Variants in ELAPOR1 observed in about 807,000 individuals in gnomAD.
The protein encoded by ELAPOR1 is endosome/lysosome-associated apoptosis and autophagy regulator 1.
ELAPOR1 carries 77 observed loss-of-function variants against 119.7 expected under a neutral mutation model. That is an observed-to-expected ratio of 0.64 (90% CI 0.54 to 0.78). The LOEUF (loss-of-function observed/expected upper bound fraction) is 0.78. Ranked by LOEUF, ELAPOR1 falls within the 30% of genes least tolerant of loss-of-function variation. The probability of loss-of-function intolerance (pLI) is 0.00; values close to 1 mark genes in which losing one functional copy is unlikely to be tolerated. For synonymous variants in ELAPOR1, 481 were observed against 487.2 expected, an observed-to-expected ratio of 0.99 and a Z score of 0.17; for missense variants, 1,115 against 1,270.4, an observed-to-expected ratio of 0.88 and a Z score of 1.86.
chr1:109,193,883 A>G (rs114980045), intron 14 of ELAPOR1, among the ~76,000 whole-genome samples: 126 of 152,286 alleles, frequency 8.3e-4, no homozygotes, highest in South Asian at 2.3e-3. Context: ...GTGTGCGGCT[A>G]CCGCTGAATG....
chr1:109,175,756 G>A (rs1450818108), intron 7 of ELAPOR1, among the ~76,000 whole-genome samples: 27 of 142,706 alleles, frequency 1.9e-4, no homozygotes, highest in African/African-American at 6.9e-4. Context: ...GAACCCGGAA[G>A]GTGGAGGTTG....
chr1:109,184,199 C>T (rs775363564), intron 7 of ELAPOR1, among the ~76,000 whole-genome samples: 17 of 152,156 alleles, frequency 1.1e-4, no homozygotes, highest in Non-Finnish European at 2.1e-4. Flanking sequence ...TGGAGAAACT[C>T]CGTCTCTACT....
intron 17 of ELAPOR1, 142 bp from the exon 18 acceptor site, chr1:109,198,431 T>C (rs950321294): frequency 7.3e-6 from 5 of 685,434 alleles, no homozygotes; most frequent in Non-Finnish European, 7.5e-6. Flanking sequence ...AACCAAGGCC[T>C]GTGCACTCCC....
At chr1:109,176,775 T>C (rs1652317973) in intron 7 of ELAPOR1, among the ~76,000 whole-genome samples, 1 of 136,904 alleles carries the variant, frequency 7.3e-6, no homozygotes, top group Non-Finnish European at 1.6e-5. Flanking sequence ...TTTGTGTCCC[T>C]GGCTACTTGA....
intron 1 of ELAPOR1, among the ~76,000 whole-genome samples, chr1:109,133,424 A>T (rs1649274468): frequency 6.6e-6 from 1 of 152,180 alleles, no homozygotes; most frequent in African/African-American, 2.4e-5. Flanking sequence ...ATCATTTAGC[A>T]GGCAGGTGCA....
intron 11 of ELAPOR1, 135 bp from the exon 12 acceptor site, chr1:109,191,231 T>C (rs1653410571): frequency 3.3e-6 from 2 of 600,074 alleles, no homozygotes; most frequent in African/African-American, 3.7e-5. Flanking sequence ...GAGGGCAGAA[T>C]TGGATTTAGT....
At chr1:109,114,977 G>C (rs960780883) in intron 1 of ELAPOR1, among the ~76,000 whole-genome samples, 1 of 152,166 alleles carries the variant, frequency 6.6e-6, no homozygotes, top group Admixed American at 6.5e-5. Flanking sequence ...CCTTTTTGCA[G>C]ATTTTGAGTT....
chr1:109,117,998 A>G lies in ELAPOR1; in HGVS notation c.153+3662A>G, dbSNP rs888835122. ...CAAAATTAGCCAGGTGTGGTGGTGC[A>G]TGCCTGTAATCCCAGCTACTTGGGA... On this transcript the variant is annotated intron_variant, in intron 1 of 21. Coordinates refer to ENST00000369939, the MANE Select transcript of ELAPOR1 (RefSeq NM_020775.5). Among the ~76,000 whole-genome samples the G allele has an allele frequency of 3.3e-5, 5 of 152,020 alleles. No homozygotes were observed. In the East Asian group the frequency reaches 7.7e-4, roughly 23 times the overall value.
chr1:109,178,015 T>TTC (rs1286552762), intron 7 of ELAPOR1, among the ~76,000 whole-genome samples: 11 of 150,278 alleles, frequency 7.3e-5, no homozygotes, highest in Non-Finnish European at 1.6e-4. Flanking sequence ...TTCTTTCTTT[T>TTC]TTTTTTTTTT....
At chr1:109,196,563 G>A (rs1653805006) in intron 15 of ELAPOR1, among the ~76,000 whole-genome samples, 1 of 151,482 alleles carries the variant, frequency 6.6e-6, no homozygotes. Flanking sequence ...CCACACGATA[G>A]ATCCTTAGTT....
At chr1:109,130,272 G>A (rs897891985) in intron 1 of ELAPOR1, among the ~76,000 whole-genome samples, 18 of 152,238 alleles carry the variant, frequency 1.2e-4, no homozygotes, top group South Asian at 4.1e-4. Context: ...GCACCGGCAC[G>A]TAGTATAGAC....
In ELAPOR1 at chr1:109,192,012, C is replaced by T. The variant is rs1212488195; in HGVS notation, c.1683+149C>T. On this transcript the variant is annotated intron_variant, in intron 13 of 21. Transcript: ENST00000369939. ...AAGCAGAAAACTGCCTAACCCAGCC[C>T]TCTGAGGACCACCTAGTCTTGTCCA... 4 of 896,286 alleles carry T rather than the reference C, an allele frequency of 4.5e-6. No individual in the cohort carries two copies. In the East Asian group the frequency reaches 7.6e-5, roughly 17 times the overall value. 55.5% of individuals were successfully genotyped at this position (896,286 alleles called of 1,614,324 possible). A position where few individuals can be genotyped will look rare whatever the true frequency, so the allele number is the denominator to read the frequency against.
At position 109,171,988 on chromosome 1, in the gene ELAPOR1, A is replaced by G; in HGVS notation, c.590A>G (p.Asp197Gly). 1 of 1,613,904 alleles carries G rather than the reference A, an allele frequency of 6.2e-7. No homozygotes were observed. The highest frequency in any genetic ancestry group is 8.5e-7 in the Non-Finnish European group (1 of 1,179,994). The change falls in exon 4 of 22, where the codon GAC (aspartate) becomes GGC (glycine). Residue 197 changes from aspartate (D) to glycine (G), a missense_variant. Transcript: ENST00000369939. Reference protein sequence around the residue: ...GTVNFEYYYPDSSIIFEFFVQ... With the variant: ...GTVNFEYYYPGSSIIFEFFVQ... ...GTTAACTTCGAATACTACTATCCAGACTCCAGCATCATCTTTGAGTTTTTC... is the reference window on the plus strand; with the variant it reads ...GTTAACTTCGAATACTACTATCCAGGCTCCAGCATCATCTTTGAGTTTTTC...
chr1:109,135,459 G>T (rs1469218047), intron 1 of ELAPOR1, among the ~76,000 whole-genome samples: 2 of 152,098 alleles, frequency 1.3e-5, no homozygotes, highest in Admixed American at 1.3e-4. Flanking sequence ...CAGGCTGGCT[G>T]GTCTCCAACT....
intron 1 of ELAPOR1, among the ~76,000 whole-genome samples, chr1:109,145,746 T>C (rs1397051860): frequency 6.6e-6 from 1 of 152,132 alleles, no homozygotes; most frequent in Non-Finnish European, 1.5e-5. Flanking sequence ...TGGATGACTA[T>C]GAAGAAAACA....
At chr1:109,161,409 C>CAAAAAAA (rs59573644) in intron 1 of ELAPOR1, among the ~76,000 whole-genome samples, 31 of 56,302 alleles carry the variant, frequency 5.5e-4, no homozygotes, top group Non-Finnish European at 7.0e-4. Flanking sequence ...GACTCCGTCT[C>CAAAAAAA]AAAAAAAAAA....
intron 8 of ELAPOR1, chr1:109,187,453 C>T (rs1184672217): frequency 4.0e-6 from 4 of 997,160 alleles, no homozygotes; most frequent in Non-Finnish European, 4.8e-6. Flanking sequence ...CCTTATTCAT[C>T]CTTCTTTTCA....
Position 109,199,906 on chromosome 1 carries a change from A to G in ELAPOR1, c.2554A>G (p.Ser852Gly). ...DGCNFHFLWE[S>G]AAACPLCSVA... is the part of the protein sequence containing the mutation. ...CTGCAACTTCCACTTCCTGTGGGAG[A>G]GCGCGGCTGCTTGCCCGCTCTGCTC... The change falls in exon 19 of 22, where the codon AGC becomes GGC. Residue 852 changes from serine (S) to glycine (G), a missense_variant. By Grantham distance (56) the Ser-to-Gly change is moderately conservative (BLOSUM62 0). Coordinates refer to ENST00000369939, the MANE Select transcript of ELAPOR1 (RefSeq NM_020775.5). 1 of 1,613,668 alleles carries G rather than the reference A, an allele frequency of 6.2e-7. No homozygotes were observed. The highest frequency in any genetic ancestry group is 8.5e-7 in the Non-Finnish European group (1 of 1,180,020).
chr1:109,170,682 C>G (rs973868529), intron 3 of ELAPOR1, among the ~76,000 whole-genome samples: 1 of 152,094 alleles, frequency 6.6e-6, no homozygotes, highest in African/African-American at 2.4e-5. Flanking sequence ...GGAGTCAGTC[C>G]CAGGGGTTTT....
Sources: allele counts gnomAD v4.1 joint callset (sites outside exome capture counted in the v4.1 genomes callset), GRCh38; gene constraint gnomAD v4.1.1; transcripts MANE v1.5; gene names NCBI Gene and HGNC (gene_info 2026-07-23, HGNC 2026-07-21).